PHACTR2: variants seen among roughly 807,000 people sequenced by gnomAD.
PHACTR2 encodes the protein chromosome 6 open reading frame 56.
Under a neutral mutation model 76.0 loss-of-function variants are expected in PHACTR2, and 30 were observed. That is an observed-to-expected ratio of 0.39 (90% CI 0.30 to 0.54). The LOEUF is 0.54. Among genes scored for constraint, PHACTR2 ranks in the 20% least tolerant of loss-of-function variants. PHACTR2 has a pLI of 0.61. For synonymous variants in PHACTR2, 292 were observed against 292.5 expected (o/e 1.00, Z 0.02); for missense variants, 696 against 781.1 (o/e 0.89, Z 1.30).
chr6:143,682,191 A>G (rs913041961), intron 1 of PHACTR2, among the ~76,000 whole-genome samples: 1 of 152,216 alleles, frequency 6.6e-6, no homozygotes, highest in Non-Finnish European at 1.5e-5. Flanking sequence ...AAGTCTTCTA[A>G]TCCATGAACA....
chr6:143,578,115 T>C lies in PHACTR2; in HGVS notation c.217+40908T>C, dbSNP rs1775533860. 6.6e-6 allele frequency among the ~76,000 whole-genome samples: 1 copy of C among 152,128 alleles called. No homozygotes were observed. The highest frequency in any genetic ancestry group is 1.5e-5 in the Non-Finnish European group (1 of 68,018). On this transcript the variant is annotated intron_variant, in intron 1 of 11. Transcript: ENST00000367584. This position sits in a 1 kb window ranked among gnomAD's most constrained non-coding sequence, Gnocchi z 4.5. ...TGGATTAAATCAGCCATAGTCCAAATGCAAAGAGGGAAGGAGCTTCATTTA... is the reference window on the plus strand; with the variant it reads ...TGGATTAAATCAGCCATAGTCCAAACGCAAAGAGGGAAGGAGCTTCATTTA...
chr6:143,635,868 AG>A (rs1776443458), intron 1 of PHACTR2, among the ~76,000 whole-genome samples: 1 of 152,138 alleles, frequency 6.6e-6, no homozygotes, highest in Admixed American at 6.5e-5. Context: ...TAAGGCTTCT[AG>A]ATTTTGTATC....
intron 11 of PHACTR2, among the ~76,000 whole-genome samples, chr6:143,804,275 C>T (rs879753851): frequency 1.3e-5 from 2 of 152,154 alleles, no homozygotes; most frequent in Non-Finnish European, 2.9e-5. Flanking sequence ...GCATCTTAAC[C>T]TCCAGGGCCT....
chr6:143,821,556 G>C lies in PHACTR2; in HGVS notation c.1923-2118G>C, dbSNP rs1479549872. On this transcript the variant is annotated intron_variant, in intron 12 of 12. Coordinates refer to ENST00000440869, the MANE Select transcript of PHACTR2 (RefSeq NM_001100164.2). This position sits in a 1 kb window ranked among gnomAD's most constrained non-coding sequence, Gnocchi z 5.2. The stretch of plus-strand genomic sequence containing the variant: ...CACATGTATCCAAAGATTATATAAT[G>C]TAAGCAATAACTGGCATAAGCCAAA... Among the ~76,000 whole-genome samples, 2 of 152,240 alleles carry C rather than the reference G, an allele frequency of 1.3e-5. No homozygotes were observed. Among genetic ancestry groups the C allele is most frequent in the Admixed American group, 1.3e-4 (2 of 15,274 alleles).
chr6:143,769,333 T>C (rs1173720832), intron 6 of PHACTR2, among the ~76,000 whole-genome samples: 2 of 152,160 alleles, frequency 1.3e-5, no homozygotes, highest in African/African-American at 4.8e-5. Context: ...GAATGCACTA[T>C]ATTGTCCAGT....
At chr6:143,721,860 C>G (rs1434648515) in intron 2 of PHACTR2, among the ~76,000 whole-genome samples, 1 of 152,182 alleles carries the variant, frequency 6.6e-6, no homozygotes, top group Non-Finnish European at 1.5e-5. Flanking sequence ...ATAAACAAGC[C>G]TGACCAGTTC....
chr6:143,799,162 T>A (rs1316802435), intron 11 of PHACTR2, among the ~76,000 whole-genome samples: 1 of 152,168 alleles, frequency 6.6e-6, no homozygotes, highest in Non-Finnish European at 1.5e-5. Flanking sequence ...GATTTTCTGG[T>A]TTATTTGTGT....
Position 143,664,698 on chromosome 6 carries a change from T to G in PHACTR2, c.14-47318T>G, listed in dbSNP as rs1777003613. ...CTTCCTCATTTGCAGAGCCGATAGTTTATTAAATTCACCATCATGTCCTCA... is the reference window on the plus strand; with the variant it reads ...CTTCCTCATTTGCAGAGCCGATAGTGTATTAAATTCACCATCATGTCCTCA... On this transcript the variant is annotated intron_variant, in intron 1 of 11. Coordinates refer to the PHACTR2 transcript ENST00000305766. This position sits in a 1 kb window ranked among gnomAD's most constrained non-coding sequence, Gnocchi z 5.1. 6.6e-6 allele frequency among the ~76,000 whole-genome samples: 1 copy of G among 152,218 alleles called. No individual in the cohort carries two copies. Among genetic ancestry groups the G allele is most frequent in the Non-Finnish European group, 1.5e-5 (1 of 68,034 alleles).
At chr6:143,613,304 T>G (rs1776010531) in intron 1 of PHACTR2, among the ~76,000 whole-genome samples, 1 of 152,242 alleles carries the variant, frequency 6.6e-6, no homozygotes, top group Admixed American at 6.5e-5. Context: ...AAGCAAAAAG[T>G]TAAAATTTGA....
In PHACTR2 at chr6:143,710,522, G is replaced by A. The variant is rs1031396345; in HGVS notation, c.47-1494G>A. ...AGCCTGGGCAACATGGTGAAACCCC[G>A]TCTCTACTAAAAATACAAAAATTAG... On this transcript the variant is annotated intron_variant, in intron 1 of 12. Coordinates refer to ENST00000440869, the MANE Select transcript of PHACTR2 (RefSeq NM_001100164.2). This position sits in a 1 kb window ranked among gnomAD's most constrained non-coding sequence, Gnocchi z 4.9. 4.6e-5 allele frequency among the ~76,000 whole-genome samples: 7 copies of A among 152,026 alleles called. No homozygotes were observed. The highest frequency in any genetic ancestry group is 3.3e-4 in the Admixed American group (5 of 15,256).
At chr6:143,606,239 C>T (rs1279868065), upstream of PHACTR2, among the ~76,000 whole-genome samples, 2 of 138,436 alleles carry the variant, frequency 1.4e-5, no homozygotes, top group African/African-American at 5.5e-5. Context: ...ACACTAAATG[C>T]ATTTTGGAGC....
At chr6:143,792,227 T>G (rs1460918015) in intron 11 of PHACTR2, among the ~76,000 whole-genome samples, 1 of 152,216 alleles carries the variant, frequency 6.6e-6, no homozygotes, top group Non-Finnish European at 1.5e-5. Context: ...CTTCTTTTAC[T>G]CATTCTCATC....
chr6:143,587,641 G>A (rs1402044060), intron 1 of PHACTR2, among the ~76,000 whole-genome samples: 1 of 152,164 alleles, frequency 6.6e-6, no homozygotes, highest in Non-Finnish European at 1.5e-5. Context: ...ATATTTAAAG[G>A]TAAGAGTTTT....
chr6:143,758,249 T>C (rs759549739), intron 4 of PHACTR2, among the ~76,000 whole-genome samples: 9 of 152,128 alleles, frequency 5.9e-5, no homozygotes, highest in Non-Finnish European at 1.3e-4. Flanking sequence ...CTCAGTGACA[T>C]GCTATTAAGG....
In PHACTR2 at chr6:143,776,141, T is replaced by C. The variant is rs1038224926; in HGVS notation, c.1590-1187T>C. The stretch of plus-strand genomic sequence containing the variant: ...TCTCAAAAAAAATGTAAAAATAAAT[T>C]TAAAAAATATATACTAAATATCTTA... On this transcript the variant is annotated intron_variant, in intron 8 of 12. Coordinates refer to ENST00000440869, the MANE Select transcript of PHACTR2 (RefSeq NM_001100164.2). This position sits in a 1 kb window ranked among gnomAD's most constrained non-coding sequence, Gnocchi z 5.3. Among the ~76,000 whole-genome samples, 1 of 151,894 alleles carries C rather than the reference T, an allele frequency of 6.6e-6. No homozygotes were observed. The highest frequency in any genetic ancestry group is 1.5e-5 in the Non-Finnish European group (1 of 67,960).
At chr6:143,752,429 C>T (rs1170035284) in intron 3 of PHACTR2, among the ~76,000 whole-genome samples, 1 of 151,846 alleles carries the variant, frequency 6.6e-6, no homozygotes, top group African/African-American at 2.4e-5. Context: ...TTTGGGTTCT[C>T]TTTGTTTTGA....
At chr6:143,545,264 G>T (rs774368150) in intron 1 of PHACTR2, among the ~76,000 whole-genome samples, 2 of 152,144 alleles carry the variant, frequency 1.3e-5, no homozygotes, top group African/African-American at 4.8e-5. Context: ...TTTTTATACA[G>T]CTACCCATGA....
Position 143,784,898 on chromosome 6 carries a change from T to A in PHACTR2, c.1707+1618T>A, listed in dbSNP as rs1023394851. On this transcript the variant is annotated intron_variant, in intron 10 of 12. Coordinates refer to ENST00000440869, the MANE Select transcript of PHACTR2 (RefSeq NM_001100164.2). The surrounding 1 kb of genome is among the most constrained non-coding windows in gnomAD (Gnocchi z 4.5). ...AATGGGAAAGACCGAGCCCCATGAT[T>A]CAATTACCTCTTCCTGGGTCCCTCC... is the stretch of plus-strand genomic sequence containing the variant. 6.6e-6 allele frequency among the ~76,000 whole-genome samples: 1 copy of A among 152,158 alleles called. No individual in the cohort carries two copies. The highest frequency in any genetic ancestry group is 1.5e-5 in the Non-Finnish European group (1 of 68,028).
chr6:143,713,173 T>C (rs765669366), intron 2 of PHACTR2, among the ~76,000 whole-genome samples: 2 of 152,202 alleles, frequency 1.3e-5, no homozygotes, highest in African/African-American at 2.4e-5. Flanking sequence ...TTAAAAATAC[T>C]ACACACAATG....
Sources: allele counts gnomAD v4.1 joint callset (sites outside exome capture counted in the v4.1 genomes callset), GRCh38; gene constraint gnomAD v4.1.1; non-coding constraint Gnocchi (gnomAD v3.1); transcripts MANE v1.5; gene names NCBI Gene and HGNC (gene_info 2026-07-23, HGNC 2026-07-21).